Variants in NOX4 observed in about 807,000 individuals in gnomAD.
The protein encoded by NOX4 is NADPH oxidase 4, also known as kidney oxidase-1.
NOX4 carries 69 observed loss-of-function variants against 87.6 expected under a neutral mutation model. That is an observed-to-expected ratio of 0.79 (90% CI 0.65 to 0.96). NOX4 has a LOEUF of 0.96. Ranked by LOEUF, NOX4 falls within the 40% of genes least tolerant of loss-of-function variation. The probability of loss-of-function intolerance (pLI) is 0.00; values close to 1 mark genes in which losing one functional copy is unlikely to be tolerated. For missense variants in NOX4, 680 were observed against 681.5 expected, an observed-to-expected ratio of 1.00 and a Z score of 0.02; for synonymous variants, 275 against 238.2, an observed-to-expected ratio of 1.15 and a Z score of -1.42.
intron 11 of NOX4, among the ~76,000 whole-genome samples, chr11:89,397,737 C>T (rs1052912116): frequency 6.6e-6 from 1 of 152,040 alleles, no homozygotes; most frequent in Middle Eastern, 3.2e-3. Flanking sequence ...AATTCCTCGA[C>T]ACATACACCC....
chr11:89,427,803 T>C (rs1591208449), intron 7 of NOX4, among the ~76,000 whole-genome samples: 1 of 152,126 alleles, frequency 6.6e-6, no homozygotes, highest in South Asian at 2.1e-4. Context: ...ATGCAAGATA[T>C]TATCCAGGAG....
chr11:89,428,608 CA>C (rs1565278025), intron 7 of NOX4, among the ~76,000 whole-genome samples: 1 of 151,716 alleles, frequency 6.6e-6, no homozygotes, highest in East Asian at 1.9e-4. Flanking sequence ...AAGATCAAAA[CA>C]GACAAAGAAG....
chr11:89,434,022 C>T (rs541074729), intron 6 of NOX4, among the ~76,000 whole-genome samples: 1 of 152,142 alleles, frequency 6.6e-6, no homozygotes, highest in African/African-American at 2.4e-5. Context: ...TTAAATCAGA[C>T]TACAAAGAAA....
At chr11:89,398,923 C>T (rs11018602) in intron 11 of NOX4, among the ~76,000 whole-genome samples, 14,042 of 151,530 alleles carry the variant, frequency 0.093, 785 homozygotes, top group South Asian at 0.19. Context: ...GTGAAAGGAG[C>T]CAGTTACAAA....
chr11:89,341,755 G>A (rs1392651224), intron 14 of NOX4, among the ~76,000 whole-genome samples: 1 of 152,076 alleles, frequency 6.6e-6, no homozygotes. Context: ...AATATTTGTT[G>A]ACTGAATGAA....
At chr11:89,486,264 TATTTATTTAAATAAATAAATAAATAA>T (rs1212819773) in intron 2 of NOX4, among the ~76,000 whole-genome samples, 1 of 149,238 alleles carries the variant, frequency 6.7e-6, no homozygotes, top group African/African-American at 2.5e-5. Context: ...CAATTTTATT[TATTTATTTAAATAAATAAATAAATAA>T]ATTTATTTAT....
At chr11:89,462,519 C>T (rs1945515627) in intron 2 of NOX4, among the ~76,000 whole-genome samples, 1 of 152,020 alleles carries the variant, frequency 6.6e-6, no homozygotes, top group African/African-American at 2.4e-5. Flanking sequence ...GATAAACTGA[C>T]CAACGGAGCA....
chr11:89,566,609 G>A, the NOX4 span, among the ~76,000 whole-genome samples: 1 of 152,132 alleles, frequency 6.6e-6, no homozygotes, highest in Admixed American at 6.5e-5. Context: ...AAAGCGAGAG[G>A]AGCCAAGATG....
the NOX4 span, among the ~76,000 whole-genome samples, chr11:89,572,751 C>T: frequency 6.6e-6 from 1 of 152,078 alleles, no homozygotes; most frequent in African/African-American, 2.4e-5. Flanking sequence ...TCTTTCCAAC[C>T]TTTCTGTATT....
intron 2 of NOX4, among the ~76,000 whole-genome samples, chr11:89,456,654 C>T (rs1565316085): frequency 6.6e-6 from 1 of 152,314 alleles, no homozygotes; most frequent in African/African-American, 2.4e-5. Flanking sequence ...GTGAGGAGTG[C>T]TCTGTCCTCA....
chr11:89,431,381 G>A (rs1232635711), intron 7 of NOX4, among the ~76,000 whole-genome samples: 3 of 152,122 alleles, frequency 2.0e-5, no homozygotes, highest in African/African-American at 4.8e-5. Flanking sequence ...AAGAGCTTCT[G>A]CACAGCAAAA....
chr11:89,386,147 A>G (rs1364290620), intron 11 of NOX4, among the ~76,000 whole-genome samples: 3 of 152,174 alleles, frequency 2.0e-5, no homozygotes, highest in East Asian at 3.9e-4. Context: ...GCCTGTCCTC[A>G]GGATGCTACA....
chr11:89,531,248 C>T, the NOX4 span, among the ~76,000 whole-genome samples: 1 of 152,016 alleles, frequency 6.6e-6, no homozygotes, highest in African/African-American at 2.4e-5. Flanking sequence ...GTCTCTAACC[C>T]TGCATTTCTT....
intron 8 of NOX4, among the ~76,000 whole-genome samples, chr11:89,419,127 T>C (rs1942951884): frequency 6.6e-6 from 1 of 152,080 alleles, no homozygotes; most frequent in African/African-American, 2.4e-5. Context: ...CAATGCTGGA[T>C]GACTAGACAT....
At chr11:89,423,643 T>C (rs1341608771) in intron 7 of NOX4, among the ~76,000 whole-genome samples, 4 of 152,100 alleles carry the variant, frequency 2.6e-5, no homozygotes, top group Admixed American at 6.6e-5. Flanking sequence ...TCTTTTGAAA[T>C]ATGTACTTGG....
At chr11:89,427,499 T>G (rs1413057314) in intron 7 of NOX4, among the ~76,000 whole-genome samples, 2 of 152,048 alleles carry the variant, frequency 1.3e-5, no homozygotes, top group Non-Finnish European at 2.9e-5. Flanking sequence ...AATGGCTAAC[T>G]AGAATAACCA....
chr11:89,520,768 T>C, the NOX4 span, among the ~76,000 whole-genome samples: 1 of 152,156 alleles, frequency 6.6e-6, no homozygotes, highest in African/African-American at 2.4e-5. Context: ...TCTTCACTGA[T>C]GATATGATTC....
At chr11:89,400,143 G>A in intron 10 of NOX4, 64 bp from the exon 11 acceptor site, 1 of 1,573,122 alleles carries the variant, frequency 6.4e-7, no homozygotes, top group Non-Finnish European at 8.7e-7. Flanking sequence ...TTTCAATGAT[G>A]CTATGTTTGC....
At chr11:89,404,503 T>C (rs151044159) in intron 8 of NOX4, among the ~76,000 whole-genome samples, 489 of 152,196 alleles carry the variant, frequency 3.2e-3, no homozygotes, top group Non-Finnish European at 4.7e-3. Flanking sequence ...GTTTTAATAA[T>C]AGCTTAGTAA....
Sources: allele counts gnomAD v4.1 joint callset (sites outside exome capture counted in the v4.1 genomes callset), GRCh38; gene constraint gnomAD v4.1.1; transcripts MANE v1.5; gene names NCBI Gene and HGNC (gene_info 2026-07-23, HGNC 2026-07-21).